PPP1R16B: variants seen among roughly 807,000 people sequenced by gnomAD.
PPP1R16B encodes protein phosphatase 1 regulatory subunit 16B.
In PPP1R16B, 14 loss-of-function variants were observed where a neutral mutation model predicts 61.7. That is an observed-to-expected ratio of 0.23 (90% CI 0.15 to 0.35). The LOEUF (loss-of-function observed/expected upper bound fraction) is 0.35. PPP1R16B is among the 10% of genes least tolerant of loss of function. The probability of loss-of-function intolerance (pLI) is 1.00; values close to 1 mark genes in which losing one functional copy is unlikely to be tolerated. For missense variants in PPP1R16B, 547 were observed against 752.5 expected (o/e 0.73, Z 3.19); for synonymous variants, 266 against 305.3 (o/e 0.87, Z 1.34).
intron 10 of PPP1R16B, among the ~76,000 whole-genome samples, chr20:38,909,951 A>G (rs2085475705): frequency 6.6e-6 from 1 of 152,126 alleles, no homozygotes; most frequent in African/African-American, 2.4e-5. Context: ...GTGTAACTTA[A>G]GTATGGTAAA....
At chr20:38,852,768 T>TTTTGGG (rs1601257219) in intron 2 of PPP1R16B, among the ~76,000 whole-genome samples, 12 of 62,374 alleles carry the variant, frequency 1.9e-4, no homozygotes, top group Admixed American at 6.9e-4. Flanking sequence ...TTTTTTTTTT[T>TTTTGGG]GCGGGGGGTG....
chr20:38,820,947 A>G (rs1384228684), intron 1 of PPP1R16B, among the ~76,000 whole-genome samples: 1 of 150,810 alleles, frequency 6.6e-6, no homozygotes, highest in Non-Finnish European at 1.5e-5. Flanking sequence ...AGGCTGAGGC[A>G]GGAGAATGGC....
At chr20:38,819,202 G>A (rs1848221299) in intron 1 of PPP1R16B, among the ~76,000 whole-genome samples, 1 of 152,168 alleles carries the variant, frequency 6.6e-6, no homozygotes, top group Admixed American at 6.5e-5. Context: ...TAACCCTATG[G>A]AGCTTAGTTT....
At chr20:38,860,996 A>G (rs1350745016) in intron 2 of PPP1R16B, among the ~76,000 whole-genome samples, 1 of 152,086 alleles carries the variant, frequency 6.6e-6, no homozygotes, top group South Asian at 2.1e-4. Context: ...CTCCTCCAGT[A>G]GTGCCCATCT....
intron 10 of PPP1R16B, among the ~76,000 whole-genome samples, chr20:38,908,904 G>A (rs965662086): frequency 4.6e-5 from 7 of 152,194 alleles, no homozygotes; most frequent in South Asian, 2.1e-4. Flanking sequence ...TGGCTCAGGC[G>A]TTCTTTGGCT....
chr20:38,855,982 A>AGAAGGAGGAGGAGGAGGAGGAGGAGGAGG (rs1449393855), intron 2 of PPP1R16B, among the ~76,000 whole-genome samples: 8 of 41,512 alleles, frequency 1.9e-4, no homozygotes, highest in African/African-American at 6.0e-4. Context: ...AGAGAGAGAG[A>AGAAGGAGGAGGAGGAGGAGGAGGAGGAGG]AGGAGGAGGA....
At chr20:38,911,445 C>T (rs1441269929) in intron 10 of PPP1R16B, among the ~76,000 whole-genome samples, 2 of 151,954 alleles carry the variant, frequency 1.3e-5, no homozygotes, top group African/African-American at 2.4e-5. Context: ...GGATTACAGG[C>T]GTGAGCCACC....
chr20:38,859,710 T>C (rs2145736025), intron 2 of PPP1R16B, among the ~76,000 whole-genome samples: 1 of 152,190 alleles, frequency 6.6e-6, no homozygotes, highest in South Asian at 2.1e-4. Context: ...CAGGCTGGTT[T>C]GAACTCCTGG....
intron 1 of PPP1R16B, among the ~76,000 whole-genome samples, chr20:38,817,378 C>A (rs373479856): frequency 1.3e-5 from 2 of 152,012 alleles, no homozygotes; most frequent in African/African-American, 2.4e-5. Flanking sequence ...GCCTAGCCAA[C>A]ATGGTGAAAC....
rs1286969236 is a variant in PPP1R16B at position 38,919,154 on chromosome 20, G to C, written c.*488G>C. ...TAAGACTCAGAGTCTCATTACCACT[G>C]CCAATGTGGTTTTAGCAGGGGAGGG... On this transcript the variant is annotated 3_prime_UTR_variant, in exon 11 of 11. Coordinates refer to ENST00000299824, the MANE Select transcript of PPP1R16B (RefSeq NM_015568.4). The C allele has an allele frequency of 6.5e-6, 1 of 153,164 alleles. No homozygotes were observed. The highest frequency in any genetic ancestry group is 1.5e-5 in the Non-Finnish European group (1 of 68,528). 9.5% of individuals were successfully genotyped at this position (153,164 alleles called of 1,614,324 possible). A position where few individuals can be genotyped will look rare whatever the true frequency, so the allele number is the denominator to read the frequency against.
At chr20:38,811,209 T>A (rs571925322) in intron 1 of PPP1R16B, among the ~76,000 whole-genome samples, 1 of 152,104 alleles carries the variant, frequency 6.6e-6, no homozygotes, top group Non-Finnish European at 1.5e-5. Flanking sequence ...AATGAATGAA[T>A]CTTTTAGGAT....
chr20:38,888,914 CA>C (rs1393242814), intron 2 of PPP1R16B, among the ~76,000 whole-genome samples: 54 of 151,522 alleles, frequency 3.6e-4, no homozygotes, highest in Non-Finnish European at 6.8e-4. Context: ...CACACACACA[CA>C]CACACACACA....
chr20:38,871,066 C>T (rs913164051), intron 2 of PPP1R16B, among the ~76,000 whole-genome samples: 4 of 152,168 alleles, frequency 2.6e-5, no homozygotes, highest in Non-Finnish European at 2.9e-5. Context: ...CCCAGGACCT[C>T]GGAGGTGTGG....
intron 2 of PPP1R16B, among the ~76,000 whole-genome samples, chr20:38,880,382 C>T (rs1247690714): frequency 6.6e-6 from 1 of 152,066 alleles, no homozygotes; most frequent in African/African-American, 2.4e-5. Context: ...GAAAGACAGG[C>T]AGGGCTGGGT....
chr20:38,856,668 A>G (rs544102019), intron 2 of PPP1R16B, among the ~76,000 whole-genome samples: 1 of 152,310 alleles, frequency 6.6e-6, no homozygotes, highest in South Asian at 2.1e-4. Flanking sequence ...AGCACCAGGC[A>G]TTGTGCTAAA....
At chr20:38,857,385 A>G (rs2085015588) in intron 2 of PPP1R16B, among the ~76,000 whole-genome samples, 2 of 152,206 alleles carry the variant, frequency 1.3e-5, no homozygotes, top group South Asian at 4.1e-4. Context: ...TTGGATCCTG[A>G]AGAGCCTAAC....
intron 10 of PPP1R16B, among the ~76,000 whole-genome samples, chr20:38,911,484 G>T (rs2085489706): frequency 6.6e-6 from 1 of 150,616 alleles, no homozygotes; most frequent in Non-Finnish European, 1.5e-5. Context: ...CTTTTTTATT[G>T]CTTTCTAGAA....
At chr20:38,830,581 G>T (rs2084830617) in intron 1 of PPP1R16B, among the ~76,000 whole-genome samples, 1 of 152,220 alleles carries the variant, frequency 6.6e-6, no homozygotes, top group South Asian at 2.1e-4. Context: ...CCTAGATACA[G>T]TGGCTTGCCC....
In PPP1R16B at chr20:38,889,573, C is replaced by T. The variant is rs374623325; in HGVS notation, c.251-22C>T. ...CACCCAGTGTGCAACGGGAAGCTCA[C>T]TCCTGTACCCTCCTATTGCAGTACG... On this transcript the variant is annotated intron_variant, in intron 2 of 10. Transcript: ENST00000299824. The T allele has an allele frequency of 5.2e-6, 8 of 1,549,360 alleles. No individual in the cohort carries two copies. The African/African-American group carries it at 9.5e-5, about 18-fold the overall frequency.
Sources: allele counts gnomAD v4.1 joint callset (sites outside exome capture counted in the v4.1 genomes callset), GRCh38; gene constraint gnomAD v4.1.1; transcripts MANE v1.5; gene names NCBI Gene and HGNC (gene_info 2026-07-23, HGNC 2026-07-21).